L3MBTL4: variants seen among roughly 807,000 people sequenced by gnomAD.
L3MBTL4 encodes the protein lethal(3)malignant brain tumor-like protein 4.
L3MBTL4 carries 70 observed loss-of-function variants against 84.5 expected under a neutral mutation model. The observed-to-expected ratio is 0.83, with a 90% CI of 0.68 to 1.01. The LOEUF (loss-of-function observed/expected upper bound fraction) is 1.01. L3MBTL4 is among the 50% of genes least tolerant of loss of function. The probability of loss-of-function intolerance (pLI) is 0.00; values close to 1 mark genes in which losing one functional copy is unlikely to be tolerated. For missense variants in L3MBTL4, 715 were observed against 754.8 expected (o/e 0.95, Z 0.62); for synonymous variants, 274 against 259.8 (o/e 1.05, Z -0.52).
At chr18:6,220,117 C>T (rs946027959) in intron 10 of L3MBTL4, among the ~76,000 whole-genome samples, 4 of 152,018 alleles carry the variant, frequency 2.6e-5, no homozygotes, top group Admixed American at 1.3e-4. Context: ...TGGAGTGGAA[C>T]GCATTCAGGG....
At chr18:6,027,197 C>T (rs572604907) in intron 16 of L3MBTL4, among the ~76,000 whole-genome samples, 32 of 152,254 alleles carry the variant, frequency 2.1e-4, no homozygotes, top group African/African-American at 6.7e-4. Context: ...ACCCCACCCC[C>T]GCAACAGGTG....
At chr18:6,035,773 A>T (rs1328413519) in intron 16 of L3MBTL4, among the ~76,000 whole-genome samples, 1 of 152,166 alleles carries the variant, frequency 6.6e-6, no homozygotes, top group Non-Finnish European at 1.5e-5. Flanking sequence ...GATTCTTCCT[A>T]CCCATGAGCA....
intron 16 of L3MBTL4, among the ~76,000 whole-genome samples, chr18:6,070,660 C>CA (rs1568064209): frequency 6.6e-6 from 1 of 151,036 alleles, no homozygotes; most frequent in African/African-American, 2.4e-5. Context: ...TTACAAAAAA[C>CA]AAAAAACAAA....
rs931219841 is a variant in L3MBTL4, at chr18:6,244,667, G to A, written c.220-79C>T. 39 of 970,766 alleles carry A rather than the reference G, an allele frequency of 4.0e-5. No individual in the cohort carries two copies. In the East Asian group the frequency reaches 8.5e-4, roughly 21 times the overall value. The allele number at this position is 970,766 out of a possible 1,614,324, so 60.1% of individuals were successfully genotyped here. A position where few individuals can be genotyped will look rare whatever the true frequency, so the allele number is the denominator to read the frequency against. ...ATTAAGATATTTGGTGTCACCTCTAGGTGAAGTCTAAAACAATTGAACTCA... is the reference window on the plus strand; with the variant it reads ...ATTAAGATATTTGGTGTCACCTCTAAGTGAAGTCTAAAACAATTGAACTCA... On this transcript the variant is annotated intron_variant, in intron 5 of 18. Coordinates refer to ENST00000317931, the MANE Select transcript of L3MBTL4 (RefSeq NM_001330559.2).
intron 3 of L3MBTL4, among the ~76,000 whole-genome samples, chr18:6,308,852 G>T (rs1411993295): frequency 6.6e-6 from 1 of 152,130 alleles, no homozygotes; most frequent in Non-Finnish European, 1.5e-5. Context: ...GGATACGGTG[G>T]ATAATTTAAT....
At chr18:6,074,607 C>A (rs1283581357) in intron 16 of L3MBTL4, among the ~76,000 whole-genome samples, 1 of 152,198 alleles carries the variant, frequency 6.6e-6, no homozygotes, top group East Asian at 1.9e-4. Context: ...GTTAACATAT[C>A]TTGGTAAATG....
intron 16 of L3MBTL4, among the ~76,000 whole-genome samples, chr18:6,011,340 A>C (rs2054726930): frequency 6.6e-6 from 1 of 152,234 alleles, no homozygotes; most frequent in Non-Finnish European, 1.5e-5. Flanking sequence ...CAAGAGATAA[A>C]GGTAGATCCT....
intron 15 of L3MBTL4, among the ~76,000 whole-genome samples, chr18:6,085,592 T>C (rs2058231928): frequency 6.6e-6 from 1 of 152,118 alleles, no homozygotes; most frequent in South Asian, 2.1e-4. Flanking sequence ...ATCTGATGGT[T>C]TTATTAGTGT....
At chr18:6,092,448 C>T (rs577699076) in intron 15 of L3MBTL4, among the ~76,000 whole-genome samples, 2 of 152,308 alleles carry the variant, frequency 1.3e-5, no homozygotes, top group South Asian at 4.1e-4. Context: ...CTTTATTTTA[C>T]ACCTGCTGAA....
intron 1 of L3MBTL4, among the ~76,000 whole-genome samples, chr18:6,377,174 C>T (rs747877003): frequency 7.2e-5 from 11 of 152,108 alleles, no homozygotes; most frequent in Non-Finnish European, 1.2e-4. Flanking sequence ...TGCTTGGTTA[C>T]AAATTCATCC....
chr18:6,310,234 T>C (rs2050767543), intron 3 of L3MBTL4, among the ~76,000 whole-genome samples: 1 of 152,198 alleles, frequency 6.6e-6, no homozygotes, highest in Non-Finnish European at 1.5e-5. Context: ...CCAAGACAGA[T>C]GCAGGCCTGC....
chr18:6,156,477 T>C (rs1041441548), intron 13 of L3MBTL4, among the ~76,000 whole-genome samples: 3 of 148,688 alleles, frequency 2.0e-5, no homozygotes, highest in South Asian at 4.1e-4. Flanking sequence ...CCAGGTATTG[T>C]AGGGTGACGT....
intron 15 of L3MBTL4, chr18:6,082,302 T>G (rs2058105070): frequency 6.6e-6 from 1 of 152,128 alleles, no homozygotes; most frequent in Non-Finnish European, 1.5e-5. Flanking sequence ...TCATCAGGAT[T>G]TGTTTACATT....
intron 16 of L3MBTL4, among the ~76,000 whole-genome samples, chr18:5,984,177 G>T (rs570270648): frequency 2.6e-4 from 40 of 152,314 alleles, no homozygotes; most frequent in African/African-American, 9.6e-4. Context: ...CTCCCAAAGT[G>T]CTGGGATTAT....
chr18:6,406,501 G>A (rs1312048384), intron 1 of L3MBTL4, among the ~76,000 whole-genome samples: 1 of 152,182 alleles, frequency 6.6e-6, no homozygotes, highest in Non-Finnish European at 1.5e-5. Context: ...CCGGACCTCT[G>A]ATGTGTCATC....
intron 14 of L3MBTL4, among the ~76,000 whole-genome samples, chr18:6,100,077 A>G (rs752298775): frequency 6.6e-6 from 1 of 152,158 alleles, no homozygotes; most frequent in Non-Finnish European, 1.5e-5. Context: ...GAATTAGAGA[A>G]AATTGGAAGA....
chr18:5,955,922 T>TGCC lies in L3MBTL4; in HGVS notation c.*297_*298insGGC. The TGCC allele has an allele frequency of 3.8e-6, 1 of 263,736 alleles. No homozygotes were observed. Among genetic ancestry groups the TGCC allele is most frequent in the Non-Finnish European group, 7.1e-6 (1 of 140,768 alleles). The allele number at this position is 263,736 out of a possible 1,614,324, so 16.3% of individuals were successfully genotyped here. On this transcript the variant is annotated 3_prime_UTR_variant, in exon 19 of 19. Coordinates refer to ENST00000317931, the MANE Select transcript of L3MBTL4 (RefSeq NM_001330559.2). ...TTTCTTTTCTGGTGACGGAGAAGAATAAAGGTGGATGTGTGGGCTTCTTTG... is the reference window on the plus strand; with the variant it reads ...TTTCTTTTCTGGTGACGGAGAAGAATGCCAAAGGTGGATGTGTGGGCTTCTTTG...
intron 1 of L3MBTL4, among the ~76,000 whole-genome samples, chr18:6,387,440 G>C (rs938446635): frequency 6.6e-6 from 1 of 151,998 alleles, no homozygotes; most frequent in Non-Finnish European, 1.5e-5. Context: ...AATCTAGTAT[G>C]AGTGAAAGGG....
chr18:6,019,171 T>G (rs1023493686), intron 16 of L3MBTL4, among the ~76,000 whole-genome samples: 1 of 152,156 alleles, frequency 6.6e-6, no homozygotes, highest in Non-Finnish European at 1.5e-5. Flanking sequence ...AAAGTATACC[T>G]CCCTAAGTAT....
Sources: gnomAD v4.1 joint callset for allele counts (sites outside exome capture counted in the v4.1 genomes callset) on GRCh38, gnomAD v4.1.1 for gene constraint, MANE v1.5 for transcripts, NCBI Gene and HGNC (gene_info 2026-07-23, HGNC 2026-07-21) for gene names.